The following INPP4B variants were observed in gnomAD, a reference collection of about 807,000 sequenced individuals.
INPP4B encodes the protein inositol polyphosphate 4-phosphatase type II.
INPP4B carries 55 observed loss-of-function variants against 122.5 expected under a neutral mutation model. The ratio of observed to expected loss-of-function variants is 0.45; its 90% CI spans 0.36 to 0.56. INPP4B has a LOEUF of 0.56. Ranked by LOEUF, INPP4B falls within the 20% of genes least tolerant of loss-of-function variation. INPP4B has a pLI of 0.00. For synonymous variants in INPP4B, 403 were observed against 388.7 expected (o/e 1.04, Z -0.43); for missense variants, 1,000 against 1,097.7 (o/e 0.91, Z 1.26).
intron 1 of INPP4B, among the ~76,000 whole-genome samples, chr4:142,745,602 T>C (rs943069394): frequency 3.3e-5 from 5 of 151,914 alleles, no homozygotes; most frequent in Non-Finnish European, 7.4e-5. Context: ...ATAAATACTC[T>C]ATACGGGAGA....
chr4:142,051,604 T>G (rs1002852827), intron 25 of INPP4B, among the ~76,000 whole-genome samples: 7 of 151,974 alleles, frequency 4.6e-5, no homozygotes, highest in African/African-American at 1.7e-4. Flanking sequence ...GAAGGAGATA[T>G]AGATTAAAAA....
intron 10 of INPP4B, among the ~76,000 whole-genome samples, chr4:142,266,251 G>A (rs546174719): frequency 2.0e-5 from 3 of 152,172 alleles, no homozygotes; most frequent in East Asian, 1.9e-4. Flanking sequence ...ACAGGGTTTC[G>A]AATGCACAAA....
At chr4:142,281,477 TAAAC>T (rs1310585137) in intron 9 of INPP4B, among the ~76,000 whole-genome samples, 1 of 152,004 alleles carries the variant, frequency 6.6e-6, no homozygotes, top group African/African-American at 2.4e-5. Flanking sequence ...ATTAAATTAT[TAAAC>T]AATCAGTATT....
rs113346898 is a variant in INPP4B, at chr4:142,175,361, A to ATTT, written c.1182-1555_1182-1553dup. Among the ~76,000 whole-genome samples the ATTT allele has an allele frequency of 6.1e-3, 919 of 149,884 alleles. 10 individuals are homozygous for ATTT. The highest frequency in any genetic ancestry group is 0.019 in the African/African-American group (764 of 40,938). ...AATTATCAGAATCTTTAAGGAAACA[A>ATTT]TTTTTTTTTTGCAAACATATAATGA... On this transcript the variant is annotated intron_variant, in intron 15 of 25. Transcript: ENST00000262992.
intron 1 of INPP4B, among the ~76,000 whole-genome samples, chr4:142,769,893 G>T (rs941530435): frequency 2.0e-5 from 3 of 152,058 alleles, no homozygotes; most frequent in Non-Finnish European, 2.9e-5. Flanking sequence ...CAGCCTGGGC[G>T]ACAGAGTGAG....
intron 2 of INPP4B, among the ~76,000 whole-genome samples, chr4:142,532,198 A>G (rs1296821313): frequency 6.6e-6 from 1 of 152,166 alleles, no homozygotes; most frequent in African/African-American, 2.4e-5. Context: ...TAAGATAATG[A>G]AAAAACCACT....
chr4:142,217,935 T>A (rs1203133259), intron 12 of INPP4B, among the ~76,000 whole-genome samples: 1 of 152,324 alleles, frequency 6.6e-6, no homozygotes, highest in South Asian at 2.1e-4. Flanking sequence ...CGACTGGAAC[T>A]ACACCATTGG....
intron 1 of INPP4B, among the ~76,000 whole-genome samples, chr4:142,840,443 G>A (rs1184282933): frequency 6.6e-6 from 1 of 151,792 alleles, no homozygotes; most frequent in East Asian, 1.9e-4. Context: ...CTCTTACCCA[G>A]ACACAAACAG....
At chr4:142,443,614 C>T (rs1218922360) in intron 3 of INPP4B, among the ~76,000 whole-genome samples, 2 of 152,108 alleles carry the variant, frequency 1.3e-5, no homozygotes, top group Non-Finnish European at 2.9e-5. Context: ...GAGAATGCCT[C>T]TGCCCCCGCC....
intron 2 of INPP4B, among the ~76,000 whole-genome samples, chr4:142,711,095 C>G (rs765453224): frequency 6.6e-6 from 1 of 152,160 alleles, no homozygotes; most frequent in Non-Finnish European, 1.5e-5. Flanking sequence ...CTAGATCTTT[C>G]CTTCTGTTGA....
At chr4:142,638,093 T>C (rs1749565021) in intron 2 of INPP4B, among the ~76,000 whole-genome samples, 1 of 152,252 alleles carries the variant, frequency 6.6e-6, no homozygotes, top group Non-Finnish European at 1.5e-5. Flanking sequence ...ACATTTTAGA[T>C]AACAATCTTT....
At chr4:142,103,801 A>G (rs1331976511) in intron 23 of INPP4B, among the ~76,000 whole-genome samples, 3 of 151,694 alleles carry the variant, frequency 2.0e-5, no homozygotes, top group South Asian at 2.1e-4. Flanking sequence ...AAAATTGTTC[A>G]TAAACACACA....
intron 7 of INPP4B, among the ~76,000 whole-genome samples, chr4:142,343,074 T>C (rs1014191598): frequency 6.6e-6 from 1 of 152,052 alleles, no homozygotes; most frequent in African/African-American, 2.4e-5. Context: ...TCAACATCAT[T>C]AAGAGAAAAC....
At chr4:142,599,601 T>C (rs1434144065) in intron 2 of INPP4B, among the ~76,000 whole-genome samples, 1 of 151,778 alleles carries the variant, frequency 6.6e-6, no homozygotes, top group Non-Finnish European at 1.5e-5. Context: ...GACAGCAACA[T>C]AAAGACACAG....
chr4:142,758,053 G>A (rs1770757349), intron 1 of INPP4B, among the ~76,000 whole-genome samples: 2 of 152,150 alleles, frequency 1.3e-5, no homozygotes, highest in African/African-American at 4.8e-5. Context: ...AAGATTTGTT[G>A]TACTTAGCTC....
intron 25 of INPP4B, among the ~76,000 whole-genome samples, chr4:142,068,769 C>T (rs781057799): frequency 5.0e-4 from 76 of 152,318 alleles, no homozygotes; most frequent in Admixed American, 1.1e-3. Flanking sequence ...ATCAATTCAA[C>T]AAGAAGAGCT....
chr4:142,778,161 GAA>G (rs1774222942), intron 1 of INPP4B, among the ~76,000 whole-genome samples: 1 of 152,148 alleles, frequency 6.6e-6, no homozygotes, highest in African/African-American at 2.4e-5. Flanking sequence ...TCAGTACGGA[GAA>G]TTGTGAAATT....
At chr4:142,642,494 A>G (rs1750733482) in intron 2 of INPP4B, among the ~76,000 whole-genome samples, 2 of 152,232 alleles carry the variant, frequency 1.3e-5, no homozygotes, top group African/African-American at 4.8e-5. Flanking sequence ...ATGGCTAGCC[A>G]GTTTTCCCAG....
chr4:142,263,931 C>G (rs1741522597), intron 10 of INPP4B, among the ~76,000 whole-genome samples: 1 of 151,664 alleles, frequency 6.6e-6, no homozygotes. Context: ...TCAGGAACAA[C>G]AAGGAAGACA....
Sources: allele counts gnomAD v4.1 joint callset (sites outside exome capture counted in the v4.1 genomes callset), GRCh38; gene constraint gnomAD v4.1.1; transcripts MANE v1.5; gene names NCBI Gene and HGNC (gene_info 2026-07-23, HGNC 2026-07-21).